The following ATP11A variants were observed in gnomAD, a reference collection of about 807,000 sequenced individuals.
ATP11A encodes the protein ATPase phospholipid transporting 11A.
Under a neutral mutation model 154.4 loss-of-function variants are expected in ATP11A, and 81 were observed. The observed-to-expected ratio is 0.52, with a 90% confidence interval of 0.44 to 0.63. The LOEUF (loss-of-function observed/expected upper bound fraction) is 0.63, where lower values mean the gene tolerates loss of function less well. Ranked by LOEUF, ATP11A falls within the 30% of genes least tolerant of loss-of-function variation. The probability of loss-of-function intolerance (pLI) is 0.00; values close to 1 mark genes in which losing one functional copy is unlikely to be tolerated. For missense variants in ATP11A, 1,316 were observed against 1,474.3 expected (o/e 0.89, Z 1.76); for synonymous variants, 623 against 585.9 (o/e 1.06, Z -0.91).
At chr13:112,693,157 A>G (rs1394691962) in intron 1 of ATP11A, among the ~76,000 whole-genome samples, 1 of 152,262 alleles carries the variant, frequency 6.6e-6, no homozygotes, top group African/African-American at 2.4e-5. Context: ...AGGTTAGGCC[A>G]GGGTAGCCAG....
rs532826578 is a variant in ATP11A, at chr13:112,859,811, G to C, written c.2727+359G>C. On this transcript the variant is annotated intron_variant, in intron 23 of 29. Coordinates refer to ENST00000375645, the MANE Select transcript of ATP11A (RefSeq NM_015205.3). The surrounding 1 kb of genome is among the most constrained non-coding windows in gnomAD (Gnocchi z 4.3). ...GGTCCTTGTGGACATGGGCCACCCC[G>C]GTGCCTGGCACGTTAACACATGCAA... is the stretch of plus-strand genomic sequence containing the variant. 1.9e-3 allele frequency among the ~76,000 whole-genome samples: 282 copies of C among 152,344 alleles called. 1 individual carries two copies. The highest frequency in any genetic ancestry group is 6.5e-3 in the African/African-American group (271 of 41,582).
intron 8 of ATP11A, 105 bp from the exon 9 acceptor site, chr13:112,823,240 T>G: frequency 3.3e-5 from 27 of 812,616 alleles, no homozygotes; most frequent in Non-Finnish European, 4.6e-5. Context: ...CCTCTGAAAA[T>G]GAGATCTGCT....
chr13:112,699,807 A>G (rs543181031), intron 1 of ATP11A, among the ~76,000 whole-genome samples: 1 of 152,314 alleles, frequency 6.6e-6, no homozygotes, highest in African/African-American at 2.4e-5. Context: ...GCTCTGAGCC[A>G]TTCATGTCGC....
chr13:112,771,010 G>A (rs943075733), intron 1 of ATP11A, among the ~76,000 whole-genome samples: 1 of 152,140 alleles, frequency 6.6e-6, no homozygotes, highest in Non-Finnish European at 1.5e-5. Flanking sequence ...GTTCTGCCCC[G>A]CGGTGTAATT....
chr13:112,775,712 GC>G (rs5806964), intron 1 of ATP11A, among the ~76,000 whole-genome samples: 21 of 151,412 alleles, frequency 1.4e-4, no homozygotes, highest in African/African-American at 4.1e-4. Flanking sequence ...ATTTCATAAT[GC>G]CCCCCCCGCC....
chr13:112,720,827 A>C (rs1889081888), intron 1 of ATP11A, among the ~76,000 whole-genome samples: 1 of 152,162 alleles, frequency 6.6e-6, no homozygotes, highest in African/African-American at 2.4e-5. Flanking sequence ...AAGTGCTGAG[A>C]TTAGTCTTCC....
chr13:112,734,147 C>T (rs1890766642), intron 1 of ATP11A, among the ~76,000 whole-genome samples: 1 of 152,128 alleles, frequency 6.6e-6, no homozygotes, highest in South Asian at 2.1e-4. Context: ...TGTGCTGCTT[C>T]CAGCTGATAA....
intron 1 of ATP11A, among the ~76,000 whole-genome samples, chr13:112,694,050 T>G (rs116019616): frequency 1.6e-3 from 250 of 152,336 alleles, no homozygotes; most frequent in African/African-American, 5.8e-3. Flanking sequence ...GTAGTTTAAG[T>G]TCCGAGAGGA....
chr13:112,873,693 T>C lies in ATP11A; in HGVS notation c.3161+17T>C, dbSNP rs2080620240. ...AGTGATCTGGTAAATATCTGATAAG[T>C]AGCTGATAATCTGATAAATATCATG... On this transcript the variant is annotated intron_variant, in intron 27 of 29. Transcript: ENST00000375645. The C allele has an allele frequency of 1.3e-6, 2 of 1,582,434 alleles. No individual in the cohort carries two copies. The highest frequency in any genetic ancestry group is 1.7e-6 in the Non-Finnish European group (2 of 1,151,414).
At chr13:112,816,326 C>T in intron 6 of ATP11A, 115 bp downstream of exon 6, 2 of 1,364,356 alleles carry the variant, frequency 1.5e-6, no homozygotes, top group East Asian at 2.4e-5. Flanking sequence ...TTTCATGTAA[C>T]CCAGGGAGTT....
At chr13:112,839,233 T>C (rs1293754271) in intron 16 of ATP11A, among the ~76,000 whole-genome samples, 2 of 152,110 alleles carry the variant, frequency 1.3e-5, no homozygotes, top group South Asian at 2.1e-4. Flanking sequence ...CAAGGTATTA[T>C]GTACGCAGTA....
intron 5 of ATP11A, among the ~76,000 whole-genome samples, chr13:112,813,386 T>TGACCTTTTGGGGTA (rs2078558564): frequency 6.6e-6 from 1 of 152,176 alleles, no homozygotes; most frequent in Admixed American, 6.5e-5. Flanking sequence ...CTTTTGGGGT[T>TGACCTTTTGGGGTA]GGCTGTTTTC....
chr13:112,844,021 C>T (rs145171245), intron 17 of ATP11A, among the ~76,000 whole-genome samples: 5 of 152,320 alleles, frequency 3.3e-5, no homozygotes, highest in African/African-American at 4.8e-5. Flanking sequence ...GCAGCACAAG[C>T]GTCCTGCGCT....
chr13:112,805,742 G>C (rs2078305612), intron 3 of ATP11A, among the ~76,000 whole-genome samples: 1 of 150,128 alleles, frequency 6.7e-6, no homozygotes. Flanking sequence ...TGAAAAGAGA[G>C]TTTAAAGGAA....
chr13:112,833,016 G>A lies in ATP11A; in HGVS notation c.1552G>A (p.Val518Ile). ...CGACGAGGTGGCGCTGGTCGAAGGT[G>A]TCCAGAGGTACGTCGCGGGCCAAGG... The part of the protein sequence containing the change: ...SPDEVALVEG[V>I]QRLGFTYLRL... The change falls in exon 14 of 30, where the codon GTC becomes ATC. Residue 518 changes from valine to isoleucine, a missense_variant. Val to Ile is a conservative substitution (Grantham distance 29, BLOSUM62 3). This residue lies in a region of ATP11A where 876 missense variants were observed against 1,006.8 expected (regional missense o/e 0.87). Transcript: ENST00000375645. 1 of 1,611,980 alleles carries A rather than the reference G, an allele frequency of 6.2e-7. No homozygotes were observed. The highest frequency in any genetic ancestry group is 1.3e-5 in the African/African-American group (1 of 74,986).
chr13:112,848,698 T>G (rs970836386), intron 17 of ATP11A, among the ~76,000 whole-genome samples: 4 of 152,208 alleles, frequency 2.6e-5, no homozygotes, highest in Non-Finnish European at 5.9e-5. Flanking sequence ...TTTCTTTTCT[T>G]TTTTTTGAGA....
chr13:112,703,149 A>G (rs567564722), intron 1 of ATP11A: 1 of 152,174 alleles, frequency 6.6e-6, no homozygotes, highest in African/African-American at 2.4e-5. Flanking sequence ...ACGCAATAGA[A>G]ATTTATTTCT....
chr13:112,861,731 C>T (rs191811287), intron 24 of ATP11A, among the ~76,000 whole-genome samples: 3 of 152,340 alleles, frequency 2.0e-5, no homozygotes, highest in African/African-American at 7.2e-5. Context: ...GATAAAAAGG[C>T]AAACTTCTGA....
intron 1 of ATP11A, among the ~76,000 whole-genome samples, chr13:112,692,210 T>C (rs1022323236): frequency 6.6e-6 from 1 of 152,178 alleles, no homozygotes; most frequent in Non-Finnish European, 1.5e-5. Flanking sequence ...TCGAGCGAAA[T>C]GGAAGAGGGA....
Sources: gnomAD v4.1 joint callset for allele counts (sites outside exome capture counted in the v4.1 genomes callset) on GRCh38, gnomAD v4.1.1 for gene constraint, gnomAD v4.1.1 regional missense constraint, Gnocchi (gnomAD v3.1) non-coding constraint, MANE v1.5 for transcripts, NCBI Gene and HGNC (gene_info 2026-07-23, HGNC 2026-07-21) for gene names.